PRRC2B: variants seen among roughly 807,000 people sequenced by gnomAD.
The protein encoded by PRRC2B is proline rich coiled-coil 2B.
A neutral mutation model predicts 242.3 loss-of-function variants in PRRC2B; 68 were observed. The ratio of observed to expected loss-of-function variants is 0.28; its 90% CI spans 0.23 to 0.34. The LOEUF is 0.34. PRRC2B is among the 10% of genes least tolerant of loss of function. PRRC2B has a pLI of 1.00. For synonymous variants in PRRC2B, 1,228 were observed against 1,173.6 expected (o/e 1.05, Z -0.95); for missense variants, 2,835 against 2,954.8 (o/e 0.96, Z 0.94).
At chr9:131,412,212 CTGTT>C (rs973468474) in intron 1 of PRRC2B, among the ~76,000 whole-genome samples, 6 of 152,158 alleles carry the variant, frequency 3.9e-5, no homozygotes, top group African/African-American at 1.4e-4. Flanking sequence ...GGACAGGCTT[CTGTT>C]TGTTCTAATG....
At chr9:131,397,313 C>T (rs914708103) in intron 1 of PRRC2B, among the ~76,000 whole-genome samples, 3 of 152,204 alleles carry the variant, frequency 2.0e-5, no homozygotes. Flanking sequence ...GTACAGTGGC[C>T]GTCTCCAGCC....
chr9:131,436,350 G>A (rs1374449475), intron 3 of PRRC2B, among the ~76,000 whole-genome samples: 2 of 152,186 alleles, frequency 1.3e-5, no homozygotes, highest in Admixed American at 6.5e-5. Context: ...GGGTGATAGA[G>A]TGAGACCCCC....
At chr9:131,480,900 G>A (rs1434140839) in intron 19 of PRRC2B, among the ~76,000 whole-genome samples, 2 of 152,076 alleles carry the variant, frequency 1.3e-5, no homozygotes, top group African/African-American at 4.8e-5. Context: ...GCCAGGAGTG[G>A]TGGCTCACAC....
intron 3 of PRRC2B, among the ~76,000 whole-genome samples, chr9:131,436,357 C>T (rs966732413): frequency 6.6e-6 from 1 of 152,022 alleles, no homozygotes; most frequent in Non-Finnish European, 1.5e-5. Flanking sequence ...AGAGTGAGAC[C>T]CCCTGTCTCA....
chr9:131,476,560 CT>C (rs1201454257), intron 16 of PRRC2B, 25 bp downstream of exon 16: 6 of 1,548,578 alleles, frequency 3.9e-6, no homozygotes, highest in Non-Finnish European at 5.2e-6. Context: ...CATCTGGGCC[CT>C]TTTTGTTGTT....
chr9:131,442,041 C>T (rs1838602337), intron 5 of PRRC2B, among the ~76,000 whole-genome samples: 3 of 152,010 alleles, frequency 2.0e-5, no homozygotes, highest in Non-Finnish European at 4.4e-5. Flanking sequence ...ATAATATATT[C>T]ATGATTCTCG....
intron 29 of PRRC2B, 58 bp from the exon 30 acceptor site, chr9:131,492,111 G>A (rs1229685791): frequency 7.5e-7 from 1 of 1,338,906 alleles, no homozygotes; most frequent in Non-Finnish European, 1.1e-6. Flanking sequence ...CAGTAAGTGT[G>A]TGGTCCAGCT....
chr9:131,400,967 T>C lies in PRRC2B; in HGVS notation c.-52+6704T>C, dbSNP rs543031049. ...CCTCTTGTGGTTTCTTTCTTTCTTT[T>C]TTTTTTTTTTTGAGACGGAGTTTTG... On this transcript the variant is annotated intron_variant, in intron 1 of 31. Coordinates refer to ENST00000683519, the MANE Select transcript of PRRC2B (RefSeq NM_013318.4). 1.7e-4 allele frequency among the ~76,000 whole-genome samples: 25 copies of C among 151,010 alleles called. 1 individual carries two copies. The South Asian group carries it at 2.3e-3, about 14-fold the overall frequency.
At chr9:131,399,695 A>G (rs1010026206) in intron 1 of PRRC2B, among the ~76,000 whole-genome samples, 7 of 152,178 alleles carry the variant, frequency 4.6e-5, no homozygotes, top group African/African-American at 9.7e-5. Flanking sequence ...TTCCTCTGAT[A>G]ATGTCTGTGT....
intron 8 of PRRC2B, 64 bp downstream of exon 8, chr9:131,447,270 G>A: frequency 1.9e-6 from 3 of 1,591,332 alleles, no homozygotes; most frequent in Non-Finnish European, 1.7e-6. Flanking sequence ...TGGTCAAGAT[G>A]AGGGGCTGAT....
Position 131,487,178 on chromosome 9 carries a change from C to A in PRRC2B, c.5868C>A (p.Ala1956=), listed in dbSNP as rs2131472466. The change falls in exon 27 of 32, where the codon GCC becomes GCA. Residue 1956 remains alanine, a synonymous_variant. Coordinates refer to ENST00000683519, the MANE Select transcript of PRRC2B (RefSeq NM_013318.4). The surrounding 1 kb of genome is among the most constrained non-coding windows in gnomAD (Gnocchi z 5.3). ...QQQSYQQAAA[A]QQIPISLHTS... ...TTTCCCGTTCACAGGCCGCCGCTGC[C>A]CAGCAGATCCCGATCTCCCTTCACA... 6.2e-7 allele frequency: 1 copy of A among 1,613,764 alleles called. No individual in the cohort carries two copies.
chr9:131,432,487 G>A lies in PRRC2B; in HGVS notation c.116-130G>A, dbSNP rs1303001557. The A allele has an allele frequency of 7.6e-5, 61 of 805,062 alleles. No individual in the cohort carries two copies. In the East Asian group the frequency reaches 1.6e-3, roughly 21 times the overall value. 49.9% of individuals were successfully genotyped at this position (805,062 alleles called of 1,614,324 possible). A position where few individuals can be genotyped will look rare whatever the true frequency, so the allele number is the denominator to read the frequency against. ...CACTTGTTTGTCCCACTGCTGGTCT[G>A]CCCTTTGTTTTTTGTTGGGTTAGCT... On this transcript the variant is annotated intron_variant, in intron 2 of 31. Coordinates refer to ENST00000683519, the MANE Select transcript of PRRC2B (RefSeq NM_013318.4).
intron 5 of PRRC2B, among the ~76,000 whole-genome samples, chr9:131,439,618 C>G (rs1838490297): frequency 6.6e-6 from 1 of 152,190 alleles, no homozygotes; most frequent in South Asian, 2.1e-4. Context: ...AACCTCACCC[C>G]CAGCCTGCCA....
intron 1 of PRRC2B, among the ~76,000 whole-genome samples, chr9:131,401,054 C>T (rs551686484): frequency 1.2e-4 from 18 of 149,032 alleles, no homozygotes; most frequent in African/African-American, 1.7e-4. Flanking sequence ...CTCTACCTCT[C>T]GGGTTCAAGC....
intron 1 of PRRC2B, among the ~76,000 whole-genome samples, chr9:131,406,475 G>A (rs1403429930): frequency 1.3e-5 from 2 of 152,192 alleles, no homozygotes; most frequent in Non-Finnish European, 2.9e-5. Context: ...CTGGCTGCAA[G>A]GGAGACTGCA....
intron 22 of PRRC2B, among the ~76,000 whole-genome samples, 161 bp downstream of exon 22, chr9:131,483,068 G>T (rs1943916452): frequency 6.6e-6 from 1 of 152,170 alleles, no homozygotes; most frequent in Admixed American, 6.5e-5. Context: ...CCTGCACATG[G>T]CCAGTGCTCT....
chr9:131,420,863 G>A (rs1837820683), intron 1 of PRRC2B, among the ~76,000 whole-genome samples: 1 of 151,948 alleles, frequency 6.6e-6, no homozygotes, highest in African/African-American at 2.4e-5. Flanking sequence ...GGCTGTCATC[G>A]AGTGAGGCAG....
intron 28 of PRRC2B, among the ~76,000 whole-genome samples, chr9:131,489,548 C>T (rs113237314): frequency 0.02 from 3,098 of 152,166 alleles, 117 homozygotes; most frequent in African/African-American, 0.071. Flanking sequence ...GCAGATCTGC[C>T]GAGCCACATG....
intron 1 of PRRC2B, among the ~76,000 whole-genome samples, chr9:131,407,757 C>G (rs955579016): frequency 1.3e-5 from 2 of 152,228 alleles, no homozygotes; most frequent in African/African-American, 4.8e-5. Context: ...TAGCAGCAAA[C>G]ACCCGAGGGC....
Sources: gnomAD v4.1 joint callset for allele counts (sites outside exome capture counted in the v4.1 genomes callset) on GRCh38, gnomAD v4.1.1 for gene constraint, Gnocchi (gnomAD v3.1) non-coding constraint, MANE v1.5 for transcripts, NCBI Gene and HGNC (gene_info 2026-07-23, HGNC 2026-07-21) for gene names.